The following THSD4 variants were observed in gnomAD, a reference collection of about 807,000 sequenced individuals.
THSD4 encodes the protein thrombospondin type 1 domain containing 4, also known as thrombospondin type-1 domain-containing protein 4.
Under a neutral mutation model 119.0 loss-of-function variants are expected in THSD4, and 69 were observed. The ratio of observed to expected loss-of-function variants is 0.58; its 90% confidence interval spans 0.48 to 0.71. The LOEUF (loss-of-function observed/expected upper bound fraction) is 0.71. Among genes scored for constraint, THSD4 ranks in the 30% least tolerant of loss-of-function variants. The pLI is 0.00. For missense variants in THSD4, 1,393 were observed against 1,391.1 expected (o/e 1.00, Z -0.02); for synonymous variants, 524 against 540.4 (o/e 0.97, Z 0.42).
intron 8 of THSD4, among the ~76,000 whole-genome samples, chr15:71,721,502 G>A (rs1216522472): frequency 3.7e-5 from 2 of 53,370 alleles, no homozygotes; most frequent in East Asian, 1.6e-3. Flanking sequence ...GCGAGATTCT[G>A]TCTTAAAAAA....
At chr15:71,519,382 C>T (rs559788911) in intron 7 of THSD4, among the ~76,000 whole-genome samples, 10 of 152,222 alleles carry the variant, frequency 6.6e-5, no homozygotes, top group South Asian at 2.1e-4. Flanking sequence ...TTTTTTGAGA[C>T]GGAGTCTCTC....
At chr15:71,731,259 C>T (rs1308400591) in intron 10 of THSD4, 42 bp downstream of exon 10, 2 of 1,565,376 alleles carry the variant, frequency 1.3e-6, no homozygotes, top group Non-Finnish European at 1.8e-6. Flanking sequence ...TGGTCATTTC[C>T]TTGTAAAGCC....
At chr15:71,295,666 A>G (rs1165751925) in intron 6 of THSD4, among the ~76,000 whole-genome samples, 1 of 151,050 alleles carries the variant, frequency 6.6e-6, no homozygotes, top group East Asian at 1.9e-4. Context: ...CGTCAGAATC[A>G]CCTGGGGACA....
At chr15:71,643,532 GT>G (rs1453793762) in intron 7 of THSD4, among the ~76,000 whole-genome samples, 5 of 152,046 alleles carry the variant, frequency 3.3e-5, no homozygotes, top group Admixed American at 2.6e-4. Context: ...TCATCATTTA[GT>G]TCCCACTTGT....
chr15:71,727,544 AAAAAAAAAAATATATATATAT>A (rs1266355476), intron 8 of THSD4, among the ~76,000 whole-genome samples: 2 of 45,528 alleles, frequency 4.4e-5, no homozygotes, highest in South Asian at 1.3e-3. Flanking sequence ...AAAAAAAAAA[AAAAAAAAAAATATATATATAT>A]ATATATATAT....
intron 7 of THSD4, among the ~76,000 whole-genome samples, chr15:71,421,532 G>A (rs1208369060): frequency 3.9e-5 from 6 of 152,202 alleles, no homozygotes; most frequent in Non-Finnish European, 8.8e-5. Context: ...AATATCTGCT[G>A]CCAGATGTAA....
chr15:71,251,642 G>T (rs1402405366), intron 5 of THSD4, among the ~76,000 whole-genome samples: 1 of 152,138 alleles, frequency 6.6e-6, no homozygotes, highest in African/African-American at 2.4e-5. Context: ...GCAGTGAAAA[G>T]GATAAAAAAA....
At chr15:71,626,185 G>A (rs1055829648) in intron 7 of THSD4, among the ~76,000 whole-genome samples, 16 of 152,238 alleles carry the variant, frequency 1.1e-4, no homozygotes, top group African/African-American at 3.9e-4. Context: ...ATGGTATCTT[G>A]TAACTTGCAA....
intron 7 of THSD4, among the ~76,000 whole-genome samples, chr15:71,633,812 T>C (rs550268166): frequency 4.8e-4 from 73 of 152,268 alleles, no homozygotes; most frequent in Admixed American, 1.2e-3. Flanking sequence ...ATAAGCCTGG[T>C]CTAGTCCAAT....
At chr15:71,500,979 GA>G (rs1288833036) in intron 7 of THSD4, among the ~76,000 whole-genome samples, 1 of 152,136 alleles carries the variant, frequency 6.6e-6, no homozygotes, top group Non-Finnish European at 1.5e-5. Flanking sequence ...GGTTCCATAT[GA>G]ATTTTAGAAT....
Position 71,732,896 on chromosome 15 carries a change from C to A in THSD4, c.1630+1679C>A, listed in dbSNP as rs560083037. On this transcript the variant is annotated intron_variant, in intron 10 of 17. Transcript: ENST00000261862. Reference sequence around the variant, plus strand: ...ACTTTGGACGGGATAACCAGGTTATCTGATTGCTACAGACTGGGGAGGACA... The same window carrying A: ...ACTTTGGACGGGATAACCAGGTTATATGATTGCTACAGACTGGGGAGGACA... 4 of 152,328 alleles carry A rather than the reference C, an allele frequency of 2.6e-5. No individual in the cohort carries two copies. In the East Asian group the frequency reaches 7.7e-4, roughly 29 times the overall value. 9.4% of individuals were successfully genotyped at this position (152,328 alleles called of 1,614,324 possible).
intron 3 of THSD4, among the ~76,000 whole-genome samples, chr15:71,209,884 T>C (rs1254614938): frequency 6.6e-6 from 1 of 151,900 alleles, no homozygotes; most frequent in Non-Finnish European, 1.5e-5. Flanking sequence ...TAAAGGGGAG[T>C]TTCCCTGTAC....
rs144982185 is a variant in THSD4, at chr15:71,757,414, AAT to A, written c.2416-477_2416-476del. 4.2e-4 allele frequency among the ~76,000 whole-genome samples: 57 copies of A among 134,752 alleles called. 1 individual carries two copies. Among genetic ancestry groups the A allele is most frequent in the African/African-American group, 1.9e-3 (49 of 26,276 alleles). The allele number at this position is 134,752 out of a possible 152,430, so 88.4% of individuals were successfully genotyped here. On this transcript the variant is annotated intron_variant, in intron 14 of 17. Coordinates refer to ENST00000261862, the MANE Select transcript of THSD4 (RefSeq NM_024817.3). ...TCATGCACCCATTCTTCTTCAGCTG[AAT>A]ATATATATATTTTTTTATTTTTATT...
At chr15:71,614,554 A>G (rs1341368564) in intron 7 of THSD4, among the ~76,000 whole-genome samples, 1 of 152,270 alleles carries the variant, frequency 6.6e-6, no homozygotes, top group African/African-American at 2.4e-5. Flanking sequence ...TTTGGTTCCT[A>G]CCTTGTGGTG....
At chr15:71,442,660 G>GTATATATATATATATATATATA (rs71154772) in intron 7 of THSD4, among the ~76,000 whole-genome samples, 1 of 25,806 alleles carries the variant, frequency 3.9e-5, no homozygotes, top group Non-Finnish European at 9.2e-5. Flanking sequence ...GTGTGTGTGT[G>GTATATATATATATATATATATA]TATATATATA....
intron 2 of THSD4, among the ~76,000 whole-genome samples, chr15:71,143,653 GT>G (rs1433252905): frequency 3.5e-5 from 5 of 143,988 alleles, no homozygotes; most frequent in Middle Eastern, 3.7e-3. Flanking sequence ...CTTTTGCAAA[GT>G]TTTTTCTTAA....
At chr15:71,724,298 C>T (rs77285953) in intron 8 of THSD4, among the ~76,000 whole-genome samples, 53,036 of 73,404 alleles carry the variant, frequency 0.72, 18,061 homozygotes, top group East Asian at 0.83. Flanking sequence ...TTTTTTTTTT[C>T]CCCCCAAGAT....
chr15:71,461,641 A>G (rs759686294), intron 7 of THSD4, among the ~76,000 whole-genome samples: 43 of 152,212 alleles, frequency 2.8e-4, no homozygotes, highest in Non-Finnish European at 4.6e-4. Context: ...TAGTCCTTTA[A>G]AAGCATTATT....
chr15:71,666,152 A>G (rs972505924), intron 8 of THSD4, among the ~76,000 whole-genome samples: 1 of 152,118 alleles, frequency 6.6e-6, no homozygotes, highest in Admixed American at 6.5e-5. Context: ...ATGTTTTTCC[A>G]TTTGTTTATG....
Sources: gnomAD v4.1 joint callset for allele counts (sites outside exome capture counted in the v4.1 genomes callset) on GRCh38, gnomAD v4.1.1 for gene constraint, MANE v1.5 for transcripts, NCBI Gene and HGNC (gene_info 2026-07-23, HGNC 2026-07-21) for gene names.